UNC5C: variants seen among roughly 807,000 people sequenced by gnomAD.
UNC5C encodes unc-5 netrin receptor C.
UNC5C carries 47 observed loss-of-function variants against 99.8 expected under a neutral mutation model. The observed-to-expected ratio is 0.47, with a 90% CI of 0.37 to 0.60. UNC5C has a LOEUF of 0.60. Among genes scored for constraint, UNC5C ranks in the 20% least tolerant of loss-of-function variants. The probability of loss-of-function intolerance (pLI) is 0.00; values close to 1 mark genes in which losing one functional copy is unlikely to be tolerated. For synonymous variants in UNC5C, 487 were observed against 452.2 expected (o/e 1.08, Z -0.98); for missense variants, 1,062 against 1,165.9 (o/e 0.91, Z 1.30).
intron 1 of UNC5C, among the ~76,000 whole-genome samples, chr4:95,447,094 T>C (rs565479209): frequency 6.6e-6 from 1 of 152,210 alleles, no homozygotes; most frequent in Non-Finnish European, 1.5e-5. Context: ...AGCATGATCA[T>C]AATGTTGTAT....
chr4:95,424,812 C>A (rs572844662), intron 1 of UNC5C, among the ~76,000 whole-genome samples: 1 of 151,782 alleles, frequency 6.6e-6, no homozygotes, highest in Admixed American at 6.6e-5. Flanking sequence ...AGTGAGCCAC[C>A]GCACCCGCCC....
At chr4:95,226,409 C>T (rs1202420054) in intron 7 of UNC5C, among the ~76,000 whole-genome samples, 1 of 152,176 alleles carries the variant, frequency 6.6e-6, no homozygotes, top group Non-Finnish European at 1.5e-5. Context: ...GGTGCTGGTA[C>T]ATTGCCAGTA....
At chr4:95,428,151 T>A (rs1746536576) in intron 1 of UNC5C, among the ~76,000 whole-genome samples, 1 of 152,040 alleles carries the variant, frequency 6.6e-6, no homozygotes, top group Non-Finnish European at 1.5e-5. Context: ...AGTGTGATGT[T>A]CATAACTGGA....
intron 1 of UNC5C, among the ~76,000 whole-genome samples, chr4:95,427,620 T>A (rs538304410): frequency 2.3e-4 from 35 of 152,304 alleles, no homozygotes; most frequent in African/African-American, 7.9e-4. Flanking sequence ...AAAGTTTTTT[T>A]AAAAAATTAA....
At chr4:95,306,668 C>G (rs1742073875) in intron 2 of UNC5C, among the ~76,000 whole-genome samples, 1 of 152,098 alleles carries the variant, frequency 6.6e-6, no homozygotes, top group Non-Finnish European at 1.5e-5. Flanking sequence ...ATTATGTATG[C>G]CTGAGTTGAT....
intron 1 of UNC5C, among the ~76,000 whole-genome samples, chr4:95,402,720 TTCC>T (rs1745734043): frequency 6.6e-6 from 1 of 152,188 alleles, no homozygotes; most frequent in African/African-American, 2.4e-5. Context: ...AGCCTATACT[TTCC>T]TCCTCTACAC....
At chr4:95,493,395 T>A (rs192827501) in intron 1 of UNC5C, among the ~76,000 whole-genome samples, 5 of 151,524 alleles carry the variant, frequency 3.3e-5, no homozygotes, top group African/African-American at 1.2e-4. Flanking sequence ...GGAAATATGG[T>A]CAGGAACAGA....
chr4:95,356,208 A>AAAAC (rs1560801764), intron 1 of UNC5C, among the ~76,000 whole-genome samples: 2 of 131,356 alleles, frequency 1.5e-5, no homozygotes, highest in Admixed American at 8.1e-5. Context: ...AAAAAAAAAA[A>AAAAC]AAAACAAAAC....
intron 1 of UNC5C, among the ~76,000 whole-genome samples, chr4:95,402,540 A>G (rs1745729582): frequency 6.6e-6 from 1 of 152,372 alleles, no homozygotes; most frequent in Middle Eastern, 3.4e-3. Flanking sequence ...GGAGAGAAGA[A>G]TAAACAGATA....
rs199997284 is a variant in UNC5C, at chr4:95,169,359, C to T, written c.2671G>A (p.Val891Ile). The change falls in exon 16 of 16, where the codon GTA becomes ATA. Residue 891 changes from valine (V) to isoleucine (I), a missense_variant. Val to Ile is a conservative substitution (Grantham distance 29, BLOSUM62 3). Around this residue, in one of 3 missense-constraint regions of UNC5C, gnomAD observed 810 missense variants for 854.5 expected, o/e 0.95. Coordinates refer to ENST00000453304, the MANE Select transcript of UNC5C (RefSeq NM_003728.4). Reference sequence around the variant, plus strand: ...TGTGCTTCCCAAAGATCCAGGATTACGCCAGTTGGGCTGGATTTGGTGGCA... The same window carrying T: ...TGTGCTTCCCAAAGATCCAGGATTATGCCAGTTGGGCTGGATTTGGTGGCA... ...YFATKSSPTG[V>I]ILDLWEAQNF... 4.2e-5 allele frequency: 67 copies of T among 1,614,202 alleles called. No individual in the cohort carries two copies. Among genetic ancestry groups the T allele is most frequent in the African/African-American group, 1.9e-4 (14 of 75,058 alleles).
At chr4:95,535,027 C>T (rs759045435) in intron 1 of UNC5C, among the ~76,000 whole-genome samples, 23 of 152,076 alleles carry the variant, frequency 1.5e-4, no homozygotes, top group Non-Finnish European at 2.1e-4. Context: ...TTTGTCTTTA[C>T]GAATACAGCA....
intron 1 of UNC5C, among the ~76,000 whole-genome samples, chr4:95,460,403 G>A (rs529291747): frequency 5.9e-5 from 9 of 152,198 alleles, no homozygotes; most frequent in Admixed American, 1.3e-4. Context: ...TGTCCACACC[G>A]AAAAGTCATC....
chr4:95,253,555 TCTC>T (rs1739833809), intron 4 of UNC5C, among the ~76,000 whole-genome samples: 1 of 152,142 alleles, frequency 6.6e-6, no homozygotes, highest in Non-Finnish European at 1.5e-5. Context: ...GGGACACTGC[TCTC>T]CTCCCTTAAC....
Position 95,394,651 on chromosome 4 carries a change from C to CTGTGTGTGTGTGTGTGTGTGTGTG in UNC5C, c.125-59044_125-59021dup, listed in dbSNP as rs10527279. ...GGCATCTGCTATGAAAAGGTATTTGCTGTGTGTGTGTGTGTGTGTGTGTGC... is the reference window on the plus strand; with the variant it reads ...GGCATCTGCTATGAAAAGGTATTTGCTGTGTGTGTGTGTGTGTGTGTGTGTGTGTGTGTGTGTGTGTGTGTGTGC... On this transcript the variant is annotated intron_variant, in intron 1 of 15. Coordinates refer to ENST00000453304, the MANE Select transcript of UNC5C (RefSeq NM_003728.4). Among the ~76,000 whole-genome samples the CTGTGTGTGTGTGTGTGTGTGTGTG allele has an allele frequency of 1.9e-3, 276 of 147,740 alleles. 4 individuals carry two copies. Among genetic ancestry groups the CTGTGTGTGTGTGTGTGTGTGTGTG allele is most frequent in the African/African-American group, 6.7e-3 (266 of 39,610 alleles).
intron 7 of UNC5C, among the ~76,000 whole-genome samples, chr4:95,231,047 G>A (rs1424409539): frequency 2.6e-5 from 4 of 152,074 alleles, no homozygotes. Context: ...CAATGTATTA[G>A]GTGGACAGCA....
At chr4:95,329,693 T>C (rs1220703629) in intron 2 of UNC5C, among the ~76,000 whole-genome samples, 2 of 152,228 alleles carry the variant, frequency 1.3e-5, no homozygotes, top group African/African-American at 4.8e-5. Flanking sequence ...GAGATATTTA[T>C]GTATTTATAA....
At chr4:95,306,864 C>T (rs1742079152) in intron 2 of UNC5C, among the ~76,000 whole-genome samples, 1 of 152,264 alleles carries the variant, frequency 6.6e-6, no homozygotes, top group Admixed American at 6.5e-5. Context: ...ATATACAAAG[C>T]TGCAGGTTGG....
At chr4:95,392,276 G>A (rs1745384315) in intron 1 of UNC5C, among the ~76,000 whole-genome samples, 1 of 151,646 alleles carries the variant, frequency 6.6e-6, no homozygotes, top group Non-Finnish European at 1.5e-5. Flanking sequence ...CATCTTCTGT[G>A]AGTCAATAGA....
At chr4:95,188,881 A>C (rs1736950222) in intron 12 of UNC5C, among the ~76,000 whole-genome samples, 2 of 152,198 alleles carry the variant, frequency 1.3e-5, no homozygotes, top group South Asian at 4.1e-4. Context: ...CTAATGGTTC[A>C]TGGGGGTTGG....
Sources: allele counts gnomAD v4.1 joint callset (sites outside exome capture counted in the v4.1 genomes callset), GRCh38; gene constraint gnomAD v4.1.1; regional missense constraint gnomAD v4.1.1; transcripts MANE v1.5; gene names NCBI Gene and HGNC (gene_info 2026-07-23, HGNC 2026-07-21).